Variants in ABLIM2 observed in about 807,000 individuals in gnomAD.
ABLIM2 encodes the protein actin-binding LIM protein 2.
ABLIM2 carries 53 observed loss-of-function variants against 97.7 expected under a neutral mutation model. The ratio of observed to expected loss-of-function variants is 0.54; its 90% CI spans 0.44 to 0.68. The LOEUF is 0.68. ABLIM2 is among the 30% of genes least tolerant of loss of function. The pLI is 0.00. For missense variants in ABLIM2, 835 were observed against 867.2 expected (o/e 0.96, Z 0.47); for synonymous variants, 361 against 345.8 (o/e 1.04, Z -0.49).
chr4:8,132,454 G>A lies in ABLIM2; in HGVS notation c.11-25817C>T, dbSNP rs1294925922. On this transcript the variant is annotated intron_variant, in intron 1 of 20. Coordinates refer to ENST00000447017, the MANE Select transcript of ABLIM2 (RefSeq NM_001130083.2). The surrounding 1 kb of genome is among the most constrained non-coding windows in gnomAD (Gnocchi z 8.0). ...AAAACTTAGGTTTAGAGGGATCTGAGACCATCCAGTCCCTGGAGAAGGACG... is the reference window on the plus strand; with the variant it reads ...AAAACTTAGGTTTAGAGGGATCTGAAACCATCCAGTCCCTGGAGAAGGACG... 6.6e-6 allele frequency among the ~76,000 whole-genome samples: 1 copy of A among 152,148 alleles called. No individual in the cohort carries two copies. The highest frequency in any genetic ancestry group is 2.4e-5 in the African/African-American group (1 of 41,422).
chr4:8,131,746 G>T (rs1437430093), intron 1 of ABLIM2, among the ~76,000 whole-genome samples: 9 of 88,344 alleles, frequency 1.0e-4, no homozygotes, highest in African/African-American at 4.0e-4. Flanking sequence ...CCCCAGCACA[G>T]CAGCCCGCAT....
rs1003609841 is a variant in ABLIM2, at chr4:8,009,251, C to T, written c.1424-149G>A. The T allele has an allele frequency of 1.7e-5, 16 of 947,388 alleles. No individual in the cohort carries two copies. The Admixed American group carries it at 3.2e-4, about 19-fold the overall frequency. 58.7% of individuals were successfully genotyped at this position (947,388 alleles called of 1,614,324 possible). Reference sequence around the variant, plus strand: ...CGAGTGCCTTTCAAAGGGCAAGGAACAAGGTAAGCTGGAGGAGGTCCCCAG... The same window carrying T: ...CGAGTGCCTTTCAAAGGGCAAGGAATAAGGTAAGCTGGAGGAGGTCCCCAG... On this transcript the variant is annotated intron_variant, in intron 14 of 20. Coordinates refer to ENST00000447017, the MANE Select transcript of ABLIM2 (RefSeq NM_001130083.2).
At chr4:7,979,018 A>C (rs2149560372) in intron 20 of ABLIM2, among the ~76,000 whole-genome samples, 1 of 152,100 alleles carries the variant, frequency 6.6e-6, no homozygotes, top group East Asian at 1.9e-4. Context: ...CTGCACACTC[A>C]CTCTGCGCAG....
At chr4:8,062,686 G>T (rs765243040) in intron 6 of ABLIM2, among the ~76,000 whole-genome samples, 5 of 152,026 alleles carry the variant, frequency 3.3e-5, no homozygotes, top group Non-Finnish European at 7.4e-5. Flanking sequence ...TGATCCGCCC[G>T]CCTCAGCCTC....
intron 2 of ABLIM2, among the ~76,000 whole-genome samples, chr4:8,099,780 G>A (rs1833577884): frequency 6.6e-6 from 1 of 152,164 alleles, no homozygotes; most frequent in Admixed American, 6.5e-5. Flanking sequence ...GGGAGGCGGA[G>A]CTTGCAGTGA....
intron 10 of ABLIM2, among the ~76,000 whole-genome samples, chr4:8,030,006 G>T (rs1338924459): frequency 1.3e-5 from 2 of 152,162 alleles, no homozygotes; most frequent in African/African-American, 4.8e-5. Context: ...TTGCCACAGG[G>T]TGTGGTACAG....
At chr4:8,158,330 CCGGACCCCAGGCCCCCGCG>C (rs1413181925) in intron 1 of ABLIM2, among the ~76,000 whole-genome samples, 1 of 152,214 alleles carries the variant, frequency 6.6e-6, no homozygotes, top group African/African-American at 2.4e-5. Flanking sequence ...GGCCCTTCGC[CCGGACCCCAGGCCCCCGCG>C]CGGACCCTGA....
intron 17 of ABLIM2, among the ~76,000 whole-genome samples, chr4:7,991,799 C>G (rs1748956186): frequency 6.6e-6 from 1 of 152,088 alleles, no homozygotes; most frequent in Admixed American, 6.5e-5. Flanking sequence ...AACACAGCAG[C>G]AGGTCTGACA....
Position 7,967,077 on chromosome 4 carries a change from C to G in ABLIM2, c.1851G>C (p.Gln617His), listed in dbSNP as rs761273787. The stretch of plus-strand genomic sequence containing the variant: ...CCTCGATGCTCATCCCAAACACTTC[C>G]TGGAACTCCTCGGGCGACAAGTGTC... ...LERHLSPEEF[Q>H]EVFGMSIEEF... The change falls in exon 21 of 21, where the codon CAG becomes CAC. Residue 617 changes from glutamine to histidine, a missense_variant. Gln to His is a conservative substitution (Grantham distance 24, BLOSUM62 0). Transcript: ENST00000447017. The G allele has an allele frequency of 1.2e-6, 2 of 1,613,836 alleles. No individual in the cohort carries two copies. Among genetic ancestry groups the G allele is most frequent in the East Asian group, 4.5e-5 (2 of 44,862 alleles).
chr4:8,089,424 A>G (rs530125551), intron 3 of ABLIM2, among the ~76,000 whole-genome samples: 1 of 152,280 alleles, frequency 6.6e-6, no homozygotes, highest in South Asian at 2.1e-4. Context: ...GAAGTGTCAG[A>G]CCACGGGTGC....
rs1791034761 is a variant in ABLIM2, at chr4:8,044,666, AG to A, written c.900+497del. On this transcript the variant is annotated intron_variant, in intron 9 of 20. Coordinates refer to ENST00000447017, the MANE Select transcript of ABLIM2 (RefSeq NM_001130083.2). This position sits in a 1 kb window ranked among gnomAD's most constrained non-coding sequence, Gnocchi z 4.4. The stretch of plus-strand genomic sequence containing the variant: ...GACACACACACACACACACACACAC[AG>A]AGTCTCTCTCTCTCTCTCTCTCTCG... 2.5e-5 allele frequency among the ~76,000 whole-genome samples: 1 copy of A among 40,588 alleles called. No individual in the cohort carries two copies. The highest frequency in any genetic ancestry group is 5.2e-5 in the African/African-American group (1 of 19,118). 26.6% of individuals were successfully genotyped at this position (40,588 alleles called of 152,430 possible). A position where few individuals can be genotyped will look rare whatever the true frequency, so the allele number is the denominator to read the frequency against.
At position 8,085,639 on chromosome 4, in the gene ABLIM2, CAGG is replaced by C. The variant is rs1823045310; in HGVS notation, c.454+2527_454+2529del. ...CACGCTGCAGCCCTGTCCACTCACGCAGGTCTGGGGGTGCCCACGCTGCAGCCC... is the reference window on the plus strand; with the variant it reads ...CACGCTGCAGCCCTGTCCACTCACGCTCTGGGGGTGCCCACGCTGCAGCCC... On this transcript the variant is annotated intron_variant, in intron 4 of 20. Coordinates refer to ENST00000447017, the MANE Select transcript of ABLIM2 (RefSeq NM_001130083.2). This position sits in a 1 kb window ranked among gnomAD's most constrained non-coding sequence, Gnocchi z 6.1. Among the ~76,000 whole-genome samples, 1 of 143,666 alleles carries C rather than the reference CAGG, an allele frequency of 7.0e-6. No homozygotes were observed. Among genetic ancestry groups the C allele is most frequent in the Non-Finnish European group, 1.5e-5 (1 of 66,344 alleles). 94.3% of individuals were successfully genotyped at this position (143,666 alleles called of 152,430 possible).
In ABLIM2 at chr4:8,124,851, G is replaced by A. The variant is rs1031090468; in HGVS notation, c.11-18214C>T. Among the ~76,000 whole-genome samples the A allele has an allele frequency of 5.9e-5, 9 of 152,218 alleles. No individual in the cohort carries two copies. The highest frequency in any genetic ancestry group is 2.2e-4 in the African/African-American group (9 of 41,520). On this transcript the variant is annotated intron_variant, in intron 1 of 20. Transcript: ENST00000447017. The surrounding 1 kb of genome is among the most constrained non-coding windows in gnomAD (Gnocchi z 6.1). ...ACAGTCAGACTATTTTCCACACCGGGTTCTGATTTCTACGCATCCCCACAG... is the reference window on the plus strand; with the variant it reads ...ACAGTCAGACTATTTTCCACACCGGATTCTGATTTCTACGCATCCCCACAG...
chr4:7,983,320 C>G lies in ABLIM2; in HGVS notation c.1768G>C (p.Val590Leu), dbSNP rs200508979. The G allele has an allele frequency of 2.5e-6, 4 of 1,612,354 alleles. No individual in the cohort carries two copies. The Admixed American group carries it at 6.7e-5, about 27-fold the overall frequency. Residue 590 changes from valine to leucine, a missense_variant, in exon 20 of 21, where the codon GTC becomes CTC. Val to Leu is a conservative substitution (Grantham distance 32, BLOSUM62 1). Transcript: ENST00000447017. ...YKIYPYDSLI[V>L]TNRIRVKLPK... ...AGTTTCACGCGAATTCGGTTTGTGACGATGAGGGAGTCATACGGATAGATC... is the reference window on the plus strand; with the variant it reads ...AGTTTCACGCGAATTCGGTTTGTGAGGATGAGGGAGTCATACGGATAGATC...
chr4:8,057,025 G>A (rs189526588), intron 7 of ABLIM2, among the ~76,000 whole-genome samples: 335 of 149,342 alleles, frequency 2.2e-3, no homozygotes, highest in Non-Finnish European at 4.2e-3. Flanking sequence ...TATACAATGT[G>A]GACAGATAAG....
In ABLIM2 at chr4:7,999,864, C is replaced by G. The variant is rs1348889303; in HGVS notation, c.1619-6937G>C. ...AGCCACCTTGCCCTCAGCACCCCGC[C>G]AGGCCTGCTCTTGGGGCCCTGAGCC... On this transcript the variant is annotated intron_variant, in intron 16 of 20. Transcript: ENST00000447017. The surrounding 1 kb of genome is among the most constrained non-coding windows in gnomAD (Gnocchi z 4.4). 6.6e-6 allele frequency among the ~76,000 whole-genome samples: 1 copy of G among 152,212 alleles called. No homozygotes were observed. The highest frequency in any genetic ancestry group is 1.5e-5 in the Non-Finnish European group (1 of 68,034).
chr4:7,989,977 T>C (rs1311964347), intron 17 of ABLIM2, among the ~76,000 whole-genome samples: 1 of 152,180 alleles, frequency 6.6e-6, no homozygotes, highest in African/African-American at 2.4e-5. Context: ...GTGGCAGGCT[T>C]GGCTATTAGG....
At chr4:8,107,515 G>C (rs973066559) in intron 1 of ABLIM2, among the ~76,000 whole-genome samples, 7 of 152,220 alleles carry the variant, frequency 4.6e-5, no homozygotes, top group Non-Finnish European at 7.3e-5. Context: ...TGGATGTGGA[G>C]CTCTGGCAGG....
chr4:8,035,051 T>C (rs1269029647), intron 10 of ABLIM2, among the ~76,000 whole-genome samples: 5 of 137,700 alleles, frequency 3.6e-5, no homozygotes, highest in Non-Finnish European at 7.8e-5. Context: ...TGATGGGTGG[T>C]AGGTAGGTGG....
Sources: gnomAD v4.1 joint callset for allele counts (sites outside exome capture counted in the v4.1 genomes callset) on GRCh38, gnomAD v4.1.1 for gene constraint, Gnocchi (gnomAD v3.1) non-coding constraint, MANE v1.5 for transcripts, NCBI Gene and HGNC (gene_info 2026-07-23, HGNC 2026-07-21) for gene names.